PCDH15: variants seen among roughly 807,000 people sequenced by gnomAD.
PCDH15 encodes the protein protocadherin-15.
Under a neutral mutation model 178.5 loss-of-function variants are expected in PCDH15, and 129 were observed. The ratio of observed to expected loss-of-function variants is 0.72; its 90% CI spans 0.63 to 0.84. The LOEUF (loss-of-function observed/expected upper bound fraction) is 0.84. Ranked by LOEUF, PCDH15 falls within the 40% of genes least tolerant of loss-of-function variation. The pLI is 0.00. For synonymous variants in PCDH15, 800 were observed against 732.0 expected (o/e 1.09, Z -1.50); for missense variants, 2,230 against 2,099.9 (o/e 1.06, Z -1.21).
At chr10:55,011,321 G>C (rs1488527831) in intron 2 of PCDH15, among the ~76,000 whole-genome samples, 1 of 152,074 alleles carries the variant, frequency 6.6e-6, no homozygotes, top group African/African-American at 2.4e-5. Flanking sequence ...TTCTATTTCT[G>C]AAATTGAGAC....
chr10:54,759,069 T>C (rs1263174362), intron 1 of PCDH15, among the ~76,000 whole-genome samples: 1 of 148,442 alleles, frequency 6.7e-6, no homozygotes, highest in Non-Finnish European at 1.5e-5. Flanking sequence ...GTCTCTGCCT[T>C]CCCTCCCCCT....
rs574073460 is a variant in PCDH15 at position 54,612,011 on chromosome 10, T to A, written c.91+52161A>T. Among the ~76,000 whole-genome samples the A allele has an allele frequency of 7.9e-5, 12 of 151,992 alleles. No individual in the cohort carries two copies. The South Asian group carries it at 2.5e-3, about 32-fold the overall frequency. Reference sequence around the variant, plus strand: ...TGAAGTTAATAAATAATAAGGTCCATCTCATTTGTTAAATTTCGTTTCTTA... The same window carrying A: ...TGAAGTTAATAAATAATAAGGTCCAACTCATTTGTTAAATTTCGTTTCTTA... On this transcript the variant is annotated intron_variant, in intron 2 of 37. Coordinates refer to ENST00000644397, the MANE Select transcript of PCDH15 (RefSeq NM_001384140.1).
intron 2 of PCDH15, among the ~76,000 whole-genome samples, chr10:55,386,591 G>A (rs1000545175): frequency 6.6e-6 from 1 of 151,930 alleles, no homozygotes; most frequent in African/African-American, 2.4e-5. Context: ...TCATTTCACT[G>A]TTGATGTGAA....
intron 2 of PCDH15, among the ~76,000 whole-genome samples, chr10:55,495,073 C>T (rs1265762735): frequency 6.6e-6 from 1 of 151,482 alleles, no homozygotes; most frequent in Non-Finnish European, 1.5e-5. Context: ...GACATTGGAC[C>T]CCTATCAAAC....
rs183236226 is a variant in PCDH15, at chr10:53,819,972, G to A, written c.4433+193C>T. Among the ~76,000 whole-genome samples the A allele has an allele frequency of 5.5e-3, 835 of 151,962 alleles. 1 individual carries two copies. Among genetic ancestry groups the A allele is most frequent in the Non-Finnish European group, 8.8e-3 (594 of 67,852 alleles). On this transcript the variant is annotated intron_variant, in intron 33 of 37. Transcript: ENST00000644397. ...ATTATGTAAATAGTAAAATGTTATAGAAAAAGGCAATATAACAATTTAATA... is the reference window on the plus strand; with the variant it reads ...ATTATGTAAATAGTAAAATGTTATAAAAAAAGGCAATATAACAATTTAATA...
At chr10:54,097,937 CTCTGTTCTG>C (rs1427261720) in intron 15 of PCDH15, among the ~76,000 whole-genome samples, 4 of 151,876 alleles carry the variant, frequency 2.6e-5, no homozygotes, top group African/African-American at 9.7e-5. Flanking sequence ...TCAGTCAGAG[CTCTGTTCTG>C]TATATGCACA....
intron 3 of PCDH15, among the ~76,000 whole-genome samples, chr10:54,443,259 C>A (rs2075947380): frequency 6.6e-6 from 1 of 151,548 alleles, no homozygotes; most frequent in African/African-American, 2.4e-5. Context: ...TATCTTTTTA[C>A]ATGAAATACA....
At chr10:54,977,194 G>A (rs1412386360) in intron 2 of PCDH15, among the ~76,000 whole-genome samples, 2 of 152,146 alleles carry the variant, frequency 1.3e-5, no homozygotes, top group Non-Finnish European at 2.9e-5. Context: ...CATAGGGTCT[G>A]GGTAAAATGA....
intron 5 of PCDH15, among the ~76,000 whole-genome samples, chr10:54,362,444 A>C (rs1946194038): frequency 6.6e-6 from 1 of 152,112 alleles, no homozygotes; most frequent in African/African-American, 2.4e-5. Context: ...TTACCAAAAA[A>C]CTTGATTCTT....
At chr10:54,573,251 T>C (rs1351643623) in intron 2 of PCDH15, among the ~76,000 whole-genome samples, 1 of 152,146 alleles carries the variant, frequency 6.6e-6, no homozygotes, top group African/African-American at 2.4e-5. Flanking sequence ...AGCATTAGTT[T>C]AGTAAAAAAC....
chr10:55,306,920 T>G (rs1013529207), intron 1 of PCDH15, among the ~76,000 whole-genome samples: 11 of 152,068 alleles, frequency 7.2e-5, no homozygotes, highest in African/African-American at 2.7e-4. Flanking sequence ...GTGGGAAAAG[T>G]GTAGATCTTT....
At chr10:54,503,201 A>T (rs534477668) in intron 3 of PCDH15, among the ~76,000 whole-genome samples, 6 of 147,862 alleles carry the variant, frequency 4.1e-5, no homozygotes, top group South Asian at 2.2e-4. Context: ...TTGAAGGCAA[A>T]TCCCAGGCCA....
At chr10:54,438,378 C>A (rs67040242) in intron 3 of PCDH15, among the ~76,000 whole-genome samples, 68,753 of 148,028 alleles carry the variant, frequency 0.46, 16,451 homozygotes, top group Middle Eastern at 0.52. Context: ...CTTTGTAACT[C>A]TGTGCTACCT....
rs188709828 is a variant in PCDH15, at chr10:54,504,672, C to T, written c.157+23140G>A. Reference sequence around the variant, plus strand: ...TAAGGACCAAGTTCTGGTTCTATCACTTTTGTTCAGCTAATTATATGTAGA... The same window carrying T: ...TAAGGACCAAGTTCTGGTTCTATCATTTTTGTTCAGCTAATTATATGTAGA... On this transcript the variant is annotated intron_variant, in intron 3 of 37. Coordinates refer to ENST00000644397, the MANE Select transcript of PCDH15 (RefSeq NM_001384140.1). Among the ~76,000 whole-genome samples, 205 of 152,204 alleles carry T rather than the reference C, an allele frequency of 1.3e-3. 1 individual carries two copies. The highest frequency in any genetic ancestry group is 4.6e-3 in the African/African-American group (193 of 41,548).
intron 8 of PCDH15, among the ~76,000 whole-genome samples, chr10:54,298,264 C>T (rs2059922706): frequency 6.6e-6 from 1 of 152,114 alleles, no homozygotes; most frequent in Non-Finnish European, 1.5e-5. Context: ...CGATCAGCCA[C>T]AGATATCAAA....
At chr10:54,119,285 C>T (rs943484863) in intron 15 of PCDH15, among the ~76,000 whole-genome samples, 4 of 151,792 alleles carry the variant, frequency 2.6e-5, no homozygotes, top group African/African-American at 7.3e-5. Flanking sequence ...AAAAGATAAA[C>T]GTCTTAAAAA....
At chr10:53,886,911 C>A (rs1435654944) in intron 26 of PCDH15, among the ~76,000 whole-genome samples, 3 of 152,226 alleles carry the variant, frequency 2.0e-5, no homozygotes, top group African/African-American at 7.2e-5. Context: ...ATTTTTATTG[C>A]CCATTTTGGG....
At chr10:54,558,602 C>T (rs533003272) in intron 2 of PCDH15, among the ~76,000 whole-genome samples, 2 of 152,172 alleles carry the variant, frequency 1.3e-5, no homozygotes, top group South Asian at 2.1e-4. Context: ...GTGATGTTTA[C>T]TCTTACCTAT....
chr10:54,232,559 A>G (rs937315732), intron 9 of PCDH15, among the ~76,000 whole-genome samples: 29 of 152,212 alleles, frequency 1.9e-4, no homozygotes, highest in Non-Finnish European at 2.9e-5. Flanking sequence ...AAGTCAGTCT[A>G]TTAACTTGTT....
Sources: gnomAD v4.1 joint callset for allele counts (sites outside exome capture counted in the v4.1 genomes callset) on GRCh38, gnomAD v4.1.1 for gene constraint, MANE v1.5 for transcripts, NCBI Gene and HGNC (gene_info 2026-07-23, HGNC 2026-07-21) for gene names.